Variants in GSK3B observed in about 807,000 individuals in gnomAD.
The protein encoded by GSK3B is glycogen synthase kinase 3 beta.
GSK3B carries 15 observed loss-of-function variants against 56.4 expected under a neutral mutation model. The observed-to-expected ratio is 0.27, with a 90% CI of 0.18 to 0.41. The LOEUF (loss-of-function observed/expected upper bound fraction) is 0.41. Among genes scored for constraint, GSK3B ranks in the 10% least tolerant of loss-of-function variants. The probability of loss-of-function intolerance (pLI) is 1.00; values close to 1 mark genes in which losing one functional copy is unlikely to be tolerated. For synonymous variants in GSK3B, 181 were observed against 188.9 expected (o/e 0.96, Z 0.34); for missense variants, 300 against 513.4 (o/e 0.58, Z 4.02).
At chr3:119,854,834 C>T (rs4450859) in intron 9 of GSK3B, among the ~76,000 whole-genome samples, 108,695 of 152,006 alleles carry the variant, frequency 0.72, 40,592 homozygotes, top group East Asian at 0.9. Flanking sequence ...GCCTTGCTGG[C>T]GGTCTATCAA....
At chr3:120,082,832 TAAATA>T (rs2058432817) in intron 1 of GSK3B, among the ~76,000 whole-genome samples, 1 of 152,226 alleles carries the variant, frequency 6.6e-6, no homozygotes, top group African/African-American at 2.4e-5. Context: ...TACACTAGGT[TAAATA>T]AAATATATTA....
At chr3:119,889,140 C>T (rs954059262) in intron 7 of GSK3B, among the ~76,000 whole-genome samples, 1 of 152,084 alleles carries the variant, frequency 6.6e-6, no homozygotes, top group African/African-American at 2.4e-5. Flanking sequence ...ACTCCCTGTT[C>T]TTGCATCCCC....
At chr3:120,014,369 G>A (rs1393229417) in intron 1 of GSK3B, among the ~76,000 whole-genome samples, 4 of 152,054 alleles carry the variant, frequency 2.6e-5, no homozygotes, top group African/African-American at 9.7e-5. Context: ...AAATTAATTA[G>A]CAAAGGGAAT....
chr3:119,826,149 A>G lies in GSK3B; in HGVS notation c.*639T>C, dbSNP rs756130454. On this transcript the variant is annotated 3_prime_UTR_variant, in exon 11 of 11. Transcript: ENST00000264235. Reference sequence around the variant, plus strand: ...AAAACAAAACCTTAACAAATCTACTAAGAATCTTCCCTGTAGAGTTCCAAA... The same window carrying G: ...AAAACAAAACCTTAACAAATCTACTGAGAATCTTCCCTGTAGAGTTCCAAA... 68 of 235,936 alleles carry G rather than the reference A, an allele frequency of 2.9e-4. No individual in the cohort carries two copies. The highest frequency in any genetic ancestry group is 5.2e-4 in the Non-Finnish European group (63 of 120,428). 14.6% of individuals were successfully genotyped at this position (235,936 alleles called of 1,614,324 possible). A position where few individuals can be genotyped will look rare whatever the true frequency, so the allele number is the denominator to read the frequency against.
chr3:119,985,965 T>C (rs1032785236), intron 2 of GSK3B, among the ~76,000 whole-genome samples: 11 of 152,272 alleles, frequency 7.2e-5, no homozygotes, highest in South Asian at 6.2e-4. Flanking sequence ...CAAAACAGCA[T>C]AGTACTGGTA....
chr3:120,022,342 G>A (rs78385321), intron 1 of GSK3B, among the ~76,000 whole-genome samples: 3,942 of 152,254 alleles, frequency 0.026, 174 homozygotes, highest in African/African-American at 0.089. Context: ...TAGTGCAAAC[G>A]TAACTTTTAT....
At chr3:120,078,557 T>G (rs949007523) in intron 1 of GSK3B, among the ~76,000 whole-genome samples, 1 of 151,354 alleles carries the variant, frequency 6.6e-6, no homozygotes, top group Non-Finnish European at 1.5e-5. Context: ...TTTTTTTTTT[T>G]TTTCTTTTTT....
chr3:120,068,671 G>A (rs1394491769), intron 1 of GSK3B, among the ~76,000 whole-genome samples: 2 of 152,094 alleles, frequency 1.3e-5, no homozygotes, highest in South Asian at 2.1e-4. Flanking sequence ...CTGCACTCCA[G>A]CCTGGGTGAC....
chr3:120,091,869 T>C (rs2058515620), intron 1 of GSK3B, among the ~76,000 whole-genome samples: 1 of 152,162 alleles, frequency 6.6e-6, no homozygotes, highest in African/African-American at 2.4e-5. Context: ...CATTCAGCTA[T>C]TACCTAGACT....
intron 1 of GSK3B, among the ~76,000 whole-genome samples, chr3:120,048,475 A>T (rs10934505): frequency 0.24 from 36,743 of 152,070 alleles, 4,888 homozygotes; most frequent in East Asian, 0.48. Flanking sequence ...CCACTTACTA[A>T]CTGTATTACT....
At chr3:119,930,119 ACACACGTGCGCATG>A (rs1172295726) in intron 3 of GSK3B, among the ~76,000 whole-genome samples, 2 of 149,420 alleles carry the variant, frequency 1.3e-5, no homozygotes, top group Admixed American at 6.7e-5. Flanking sequence ...ACACACACAC[ACACACGTGCGCATG>A]CACACACACA....
In GSK3B at chr3:119,830,400, A is replaced by G. The variant is rs558231654; in HGVS notation, c.1196-3545T>C. Reference sequence around the variant, plus strand: ...CTGAATTAATGAGCTTTCTATTAAAATGTTTATTAATTTAAAATTCCGATA... The same window carrying G: ...CTGAATTAATGAGCTTTCTATTAAAGTGTTTATTAATTTAAAATTCCGATA... On this transcript the variant is annotated intron_variant, in intron 10 of 10. Coordinates refer to ENST00000264235, the MANE Select transcript of GSK3B (RefSeq NM_001146156.2). Among the ~76,000 whole-genome samples the G allele has an allele frequency of 9.2e-5, 14 of 152,242 alleles. 1 individual carries two copies. Among genetic ancestry groups the G allele is most frequent in the Admixed American group, 7.9e-4 (12 of 15,284 alleles).
At chr3:119,851,397 T>C in intron 9 of GSK3B, among the ~76,000 whole-genome samples, 1 of 152,194 alleles carries the variant, frequency 6.6e-6, no homozygotes, top group Admixed American at 6.5e-5. Flanking sequence ...TTTCTATTCT[T>C]CCAAGTACAA....
rs1306568273 is a variant in GSK3B, at chr3:119,947,366, C to T, written c.283-15G>A. 3 of 1,472,172 alleles carry T rather than the reference C, an allele frequency of 2.0e-6. No individual in the cohort carries two copies. The highest frequency in any genetic ancestry group is 1.7e-4 in the Middle Eastern group (1 of 5,792). The allele number at this position is 1,472,172 out of a possible 1,614,324, so 91.2% of individuals were successfully genotyped here. On this transcript the variant is annotated splice_polypyrimidine_tract_variant and intron_variant, in intron 2 of 10. Transcript: ENST00000264235. ...AGCTCTCGATTCTGAAAAGGAAACA[C>T]ATAAAAATATATTTTTAAAGGATAA...
intron 9 of GSK3B, 115 bp from the exon 10 acceptor site, chr3:119,843,468 C>T (rs756550864): frequency 6.2e-5 from 30 of 484,376 alleles, no homozygotes; most frequent in Middle Eastern, 1.2e-3. Context: ...TTATGCCGGG[C>T]GCAGTGGCTC....
chr3:120,036,851 T>C lies in GSK3B; in HGVS notation c.89-34612A>G, dbSNP rs567193592. Reference sequence around the variant, plus strand: ...CATCTAGCAGTTTTAGGAAAAAAGCTTGGATACACAGATATCAAAATAATA... The same window carrying C: ...CATCTAGCAGTTTTAGGAAAAAAGCCTGGATACACAGATATCAAAATAATA... On this transcript the variant is annotated intron_variant, in intron 1 of 10. Coordinates refer to ENST00000264235, the MANE Select transcript of GSK3B (RefSeq NM_001146156.2). Among the ~76,000 whole-genome samples the C allele has an allele frequency of 6.0e-5, 9 of 149,242 alleles. No homozygotes were observed. The South Asian group carries it at 1.3e-3, about 21-fold the overall frequency.
At chr3:119,941,215 C>T (rs2057045767) in intron 3 of GSK3B, among the ~76,000 whole-genome samples, 1 of 152,026 alleles carries the variant, frequency 6.6e-6, no homozygotes, top group South Asian at 2.1e-4. Flanking sequence ...TGGGGTTTCA[C>T]CATGTTAGCC....
chr3:119,871,537 C>T (rs1020576679), intron 8 of GSK3B, among the ~76,000 whole-genome samples: 1 of 152,070 alleles, frequency 6.6e-6, no homozygotes, highest in Non-Finnish European at 1.5e-5. Flanking sequence ...TTGGTAGGTA[C>T]TATAGGAGTT....
intron 1 of GSK3B, among the ~76,000 whole-genome samples, chr3:120,056,842 T>C (rs1033137311): frequency 6.6e-6 from 1 of 151,738 alleles, no homozygotes; most frequent in Admixed American, 6.6e-5. Flanking sequence ...AATATACAGG[T>C]AGAAAAATAA....
Sources: gnomAD v4.1 joint callset for allele counts (sites outside exome capture counted in the v4.1 genomes callset) on GRCh38, gnomAD v4.1.1 for gene constraint, MANE v1.5 for transcripts, NCBI Gene and HGNC (gene_info 2026-07-23, HGNC 2026-07-21) for gene names.